The following PGLYRP2 variants were observed in gnomAD, a reference collection of about 807,000 sequenced individuals.
The protein encoded by PGLYRP2 is N-acetylmuramoyl-L-alanine amidase.
PGLYRP2 carries 38 observed loss-of-function variants against 46.2 expected under a neutral mutation model. The observed-to-expected ratio is 0.82, with a 90% CI of 0.64 to 1.08. The LOEUF (loss-of-function observed/expected upper bound fraction) is 1.08, where lower values mean the gene tolerates loss of function less well. Ranked by LOEUF, PGLYRP2 falls within the 50% of genes least tolerant of loss-of-function variation. PGLYRP2 has a pLI of 0.00. For synonymous variants in PGLYRP2, 289 were observed against 329.4 expected, an observed-to-expected ratio of 0.88 and a Z score of 1.33; for missense variants, 713 against 755.9, an observed-to-expected ratio of 0.94 and a Z score of 0.67.
chr19:15,471,073 G>A (rs1970744068), intron 3 of PGLYRP2, among the ~76,000 whole-genome samples: 1 of 150,602 alleles, frequency 6.6e-6, no homozygotes, highest in South Asian at 2.1e-4. Flanking sequence ...CCGAGTAGCT[G>A]GGACTACAGG....
At chr19:15,474,958 G>T (rs113357109) in intron 2 of PGLYRP2, among the ~76,000 whole-genome samples, 2,835 of 149,422 alleles carry the variant, frequency 0.019, 56 homozygotes, top group African/African-American at 0.044. Context: ...CTGCACTCCA[G>T]CCTGGGCGAC....
At position 15,475,714 on chromosome 19, in the gene PGLYRP2, C is replaced by T. The variant is rs535549580; in HGVS notation, c.956G>A (p.Arg319Gln). 1.7e-5 allele frequency: 28 copies of T among 1,614,064 alleles called. No homozygotes were observed. The highest frequency in any genetic ancestry group is 8.3e-5 in the Admixed American group (5 of 60,006). The change falls in exon 2 of 5, where the codon CGA becomes CAA. Residue 319 changes from arginine to glutamine, a missense_variant. Transcript: ENST00000340880. ...ARDPGFRSNFRRQNGAALTSA... is the reference protein window; with the variant it reads ...ARDPGFRSNFQRQNGAALTSA... ...AGTCAGAGCAGCACCGTTCTGCCGT[C>T]GGAAGTTGCTGCGGAACCCTGGGTC...
In PGLYRP2 at chr19:15,475,939, C is replaced by T; in HGVS notation, c.731G>A (p.Gly244Glu). 3 of 1,614,130 alleles carry T rather than the reference C, an allele frequency of 1.9e-6. No homozygotes were observed. The highest frequency in any genetic ancestry group is 2.5e-6 in the Non-Finnish European group (3 of 1,180,024). Residue 244 changes from glycine (G) to glutamate (E), a missense_variant, in exon 2 of 5, where the codon GGA (glycine) becomes GAA (glutamate). Physicochemically the swap from Gly to Glu is moderately conservative, Grantham distance 98. Coordinates refer to ENST00000340880, the MANE Select transcript of PGLYRP2 (RefSeq NM_052890.4). Reference sequence around the variant, plus strand: ...GAGCTGGTCCCAGCAGCCCTCAGTTCCCAGGTCTGGATGGCTCTGGGTCTG... The same window carrying T: ...GAGCTGGTCCCAGCAGCCCTCAGTTTCCAGGTCTGGATGGCTCTGGGTCTG... ...GSQTQSHPDL[G>E]TEGCWDQLSA...
intron 3 of PGLYRP2, among the ~76,000 whole-genome samples, chr19:15,470,667 G>C (rs1335927047): frequency 2.0e-5 from 3 of 149,484 alleles, no homozygotes; most frequent in African/African-American, 4.9e-5. Flanking sequence ...TTTTGGAGAC[G>C]GAGTTTCGCT....
At chr19:15,476,832 G>GATT (rs1970802299) in intron 1 of PGLYRP2, among the ~76,000 whole-genome samples, 1 of 152,164 alleles carries the variant, frequency 6.6e-6, no homozygotes, top group Non-Finnish European at 1.5e-5. Context: ...TTTATGAGCA[G>GATT]GACAGAGGTG....
Position 15,476,382 on chromosome 19 carries a change from C to T in PGLYRP2, c.288G>A (p.Glu96=), listed in dbSNP as rs1312959741. 1.2e-6 allele frequency: 2 copies of T among 1,613,978 alleles called. No individual in the cohort carries two copies. Among genetic ancestry groups the T allele is most frequent in the Admixed American group, 3.3e-5 (2 of 59,982 alleles). The change falls in exon 2 of 5, where the codon GAG becomes GAA. Residue 96 remains glutamate, a synonymous_variant. Coordinates refer to ENST00000340880, the MANE Select transcript of PGLYRP2 (RefSeq NM_052890.4). ...CTTCTCGTACGTCATGTCGGGCCAC[C>T]TCCTTGGTCAGGCCTAACAGCTCTG... ...LSPELLGLTK[E]VARHDVREGK...
At position 15,477,720 on chromosome 19, in the gene PGLYRP2, AT is replaced by A. The variant is rs111306940; in HGVS notation, c.62-1113del. Among the ~76,000 whole-genome samples, 238 of 36,512 alleles carry A rather than the reference AT, an allele frequency of 6.5e-3. 1 individual carries two copies. Among genetic ancestry groups the A allele is most frequent in the African/African-American group, 0.017 (223 of 13,262 alleles). The allele number at this position is 36,512 out of a possible 152,430, so 24.0% of individuals were successfully genotyped here. A position where few individuals can be genotyped will look rare whatever the true frequency, so the allele number is the denominator to read the frequency against. ...CATAAAATAAAATAAATAAAATAAA[AT>A]TAAATTAAAATAAAATAAAATAAAA... On this transcript the variant is annotated intron_variant, in intron 1 of 4. Transcript: ENST00000340880.
chr19:15,476,488 C>T lies in PGLYRP2; in HGVS notation c.182G>A (p.Gly61Asp). The change falls in exon 2 of 5, where the codon GGC (glycine) becomes GAC (aspartate). Residue 61 changes from glycine to aspartate, a missense_variant. Physicochemically the swap from Gly to Asp is moderately conservative, Grantham distance 94. Transcript: ENST00000340880. ...GAAGTGGTAGAGGCGATTGTGGGGG[C>T]CAGAGTTTGGAGCTGACATCAGCCA... ...SAWLMSAPNSGPHNRLYHFLL... is the reference protein window; with the variant it reads ...SAWLMSAPNSDPHNRLYHFLL... 1 of 1,614,124 alleles carries T rather than the reference C, an allele frequency of 6.2e-7. No individual in the cohort carries two copies. The highest frequency in any genetic ancestry group is 8.5e-7 in the Non-Finnish European group (1 of 1,180,032).
chr19:15,472,291 A>T (rs537558296), intron 2 of PGLYRP2, among the ~76,000 whole-genome samples, 191 bp from the exon 3 acceptor site: 70 of 152,152 alleles, frequency 4.6e-4, no homozygotes, highest in Admixed American at 2.0e-3. Context: ...TATTTTTATT[A>T]AAAAAAATTG....
chr19:15,472,300 T>G (rs1334552655), intron 2 of PGLYRP2, among the ~76,000 whole-genome samples, 200 bp from the exon 3 acceptor site: 1 of 152,068 alleles, frequency 6.6e-6, no homozygotes, highest in African/African-American at 2.4e-5. Flanking sequence ...TAAAAAAAAT[T>G]GGGGGTGGGC....
rs779273041 is a variant in PGLYRP2, at chr19:15,479,483, T to C, written c.-112A>G. 5.1e-5 allele frequency: 57 copies of C among 1,109,114 alleles called. No homozygotes were observed. In the South Asian group the frequency reaches 7.5e-4, roughly 15 times the overall value. 68.7% of individuals were successfully genotyped at this position (1,109,114 alleles called of 1,614,324 possible). A position where few individuals can be genotyped will look rare whatever the true frequency, so the allele number is the denominator to read the frequency against. On this transcript the variant is annotated 5_prime_UTR_variant, in exon 1 of 5. Coordinates refer to ENST00000340880, the MANE Select transcript of PGLYRP2 (RefSeq NM_052890.4). ...AACTGAGCAGAGCCTTTGACCACTG[T>C]CAAAGTCCAGCGGCGAATGACAGAC... is the stretch of plus-strand genomic sequence containing the variant.
At chr19:15,472,424 T>C (rs772975447) in intron 2 of PGLYRP2, among the ~76,000 whole-genome samples, 9 of 150,380 alleles carry the variant, frequency 6.0e-5, no homozygotes, top group Non-Finnish European at 1.2e-4. Flanking sequence ...ACCCGGTCTC[T>C]ACTAAAAATA....
At chr19:15,473,702 A>G (rs1424413212) in intron 2 of PGLYRP2, among the ~76,000 whole-genome samples, 1 of 151,926 alleles carries the variant, frequency 6.6e-6, no homozygotes, top group Non-Finnish European at 1.5e-5. Context: ...CACACCAAAG[A>G]TATAATCAAC....
At chr19:15,473,216 T>C (rs1352125107) in intron 2 of PGLYRP2, among the ~76,000 whole-genome samples, 1 of 151,960 alleles carries the variant, frequency 6.6e-6, no homozygotes, top group Non-Finnish European at 1.5e-5. Context: ...ACGCCTGTAA[T>C]CCCAGCAATT....
Position 15,476,092 on chromosome 19 carries a change from G to A in PGLYRP2, c.578C>T (p.Thr193Ile), listed in dbSNP as rs1450330670. 1.2e-6 allele frequency: 2 copies of A among 1,614,076 alleles called. No homozygotes were observed. Among genetic ancestry groups the A allele is most frequent in the African/African-American group, 1.3e-5 (1 of 74,928 alleles). Residue 193 changes from threonine to isoleucine, a missense_variant, in exon 2 of 5, where the codon ACA becomes ATA. Thr to Ile is a moderately conservative substitution (Grantham distance 89). Transcript: ENST00000340880. ...AGCTTGGACATCTGGACAGCCTTTT[G>A]TAGCATCTGGAGTGTTGGCTCCAAT... ...ADIGANTPDA[T>I]KGCPDVQASL...
At chr19:15,477,434 A>G (rs925121086) in intron 1 of PGLYRP2, among the ~76,000 whole-genome samples, 4 of 144,874 alleles carry the variant, frequency 2.8e-5, no homozygotes, top group African/African-American at 1.0e-4. Flanking sequence ...GCAGTGGCTC[A>G]CGCCTGTAAT....
chr19:15,477,138 A>T (rs1236660455), intron 1 of PGLYRP2, among the ~76,000 whole-genome samples: 1 of 152,138 alleles, frequency 6.6e-6, no homozygotes, highest in African/African-American at 2.4e-5. Context: ...TAGGCCTGTA[A>T]TCCCAGCACT....
chr19:15,477,935 T>C (rs916644605), intron 1 of PGLYRP2, among the ~76,000 whole-genome samples: 3 of 152,166 alleles, frequency 2.0e-5, no homozygotes, highest in Non-Finnish European at 4.4e-5. Context: ...AGGTGACTTA[T>C]ATATTAATAA....
chr19:15,478,085 G>C (rs1163207639), intron 1 of PGLYRP2, among the ~76,000 whole-genome samples: 1 of 152,206 alleles, frequency 6.6e-6, no homozygotes. Context: ...GCTGGCACAT[G>C]CCTGTAATCC....
Sources: gnomAD v4.1 joint callset for allele counts (sites outside exome capture counted in the v4.1 genomes callset) on GRCh38, gnomAD v4.1.1 for gene constraint, MANE v1.5 for transcripts, NCBI Gene and HGNC (gene_info 2026-07-23, HGNC 2026-07-21) for gene names.